CSF1R: variants seen among roughly 807,000 people sequenced by gnomAD.
The protein encoded by CSF1R is colony stimulating factor 1 receptor.
CSF1R carries 40 observed loss-of-function variants against 110.0 expected under a neutral mutation model. The observed-to-expected ratio is 0.36, with a 90% confidence interval of 0.28 to 0.47. The LOEUF is 0.47. Among genes scored for constraint, CSF1R ranks in the 20% least tolerant of loss-of-function variants. The pLI is 0.99. For synonymous variants in CSF1R, 523 were observed against 503.4 expected, an observed-to-expected ratio of 1.04 and a Z score of -0.52; for missense variants, 1,052 against 1,253.0, an observed-to-expected ratio of 0.84 and a Z score of 2.42.
At position 150,054,279 on chromosome 5, in the gene CSF1R, A is replaced by T. The variant is rs767046070; in HGVS notation, c.2763+43T>A. ...GTCCAGATCCATCAGGCCCAGCCCA[A>T]CGTGCTTTACCGGCCACCCACCCCA... On this transcript the variant is annotated intron_variant, in intron 20 of 20. Transcript: ENST00000675795. The T allele has an allele frequency of 4.3e-6, 7 of 1,613,726 alleles. No individual in the cohort carries two copies. The South Asian group carries it at 7.7e-5, about 18-fold the overall frequency.
At chr5:150,067,200 GT>G (rs3836741) in intron 10 of CSF1R, 41,275 of 148,896 alleles carry the variant, frequency 0.28, 6,275 homozygotes, top group East Asian at 0.64. Flanking sequence ...GCCCCTTGGG[GT>G]TTTTTTTTTT....
At chr5:150,056,470 AC>A in intron 16 of CSF1R, 129 bp from the exon 17 acceptor site, 1 of 1,154,382 alleles carries the variant, frequency 8.7e-7, no homozygotes, top group Non-Finnish European at 1.2e-6. Context: ...TTGGTCCTTT[AC>A]CACAAACCCT....
At chr5:150,111,417 C>T (rs1759713381) in intron 1 of CSF1R, among the ~76,000 whole-genome samples, 1 of 152,222 alleles carries the variant, frequency 6.6e-6, no homozygotes, top group Non-Finnish European at 1.5e-5. Flanking sequence ...CCTGTGGTTA[C>T]CCCAGACCCT....
chr5:150,081,164 T>C, intron 1 of CSF1R, 140 bp from the exon 2 acceptor site: 1 of 919,586 alleles, frequency 1.1e-6, no homozygotes, highest in Non-Finnish European at 1.6e-6. Flanking sequence ...CCCTGCCCCC[T>C]GGTCATTTGC....
chr5:150,092,789 G>A (rs546563136), intron 1 of CSF1R, among the ~76,000 whole-genome samples: 1 of 152,110 alleles, frequency 6.6e-6, no homozygotes, highest in South Asian at 2.1e-4. Context: ...AATTGGGTGG[G>A]GACACAGCCA....
At chr5:150,089,907 T>A (rs1758983329), upstream of CSF1R, among the ~76,000 whole-genome samples, 1 of 152,134 alleles carries the variant, frequency 6.6e-6, no homozygotes, top group African/African-American at 2.4e-5. Flanking sequence ...TCAACAAGGG[T>A]GGCAGGACCA....
At chr5:150,094,218 A>G (rs1759139286) in intron 1 of CSF1R, 3 of 793,882 alleles carry the variant, frequency 3.8e-6, no homozygotes, top group Admixed American at 5.6e-5. Flanking sequence ...GTGAAGACAG[A>G]ATCAATTTTA....
In CSF1R at chr5:150,053,659, A is replaced by ACTCT; in HGVS notation, c.*406_*409dup. On this transcript the variant is annotated 3_prime_UTR_variant, in exon 21 of 21. Coordinates refer to ENST00000675795, the MANE Select transcript of CSF1R (RefSeq NM_001288705.3). ...TGCTCCTCTCAGAGAGGGAGATCTCACTCTCTGCCAGTCTGTCTAGCCCCA... is the reference window on the plus strand; with the variant it reads ...TGCTCCTCTCAGAGAGGGAGATCTCACTCTCTCTCTGCCAGTCTGTCTAGCCCCA... 1 of 291,612 alleles carries ACTCT rather than the reference A, an allele frequency of 3.4e-6. No individual in the cohort carries two copies. Among genetic ancestry groups the ACTCT allele is most frequent in the Admixed American group, 4.7e-5 (1 of 21,220 alleles). 18.1% of individuals were successfully genotyped at this position (291,612 alleles called of 1,614,324 possible).
At chr5:150,095,630 T>A (rs1313353124) in intron 1 of CSF1R, among the ~76,000 whole-genome samples, 3 of 150,288 alleles carry the variant, frequency 2.0e-5, no homozygotes, top group Non-Finnish European at 4.4e-5. Context: ...AAGAACAAAT[T>A]AAATCCAAAT....
chr5:150,099,446 T>C (rs1270454263), intron 1 of CSF1R, among the ~76,000 whole-genome samples: 1 of 152,250 alleles, frequency 6.6e-6, no homozygotes, highest in Non-Finnish European at 1.5e-5. Flanking sequence ...TTAGTGGCTT[T>C]ATTTGTAATC....
intron 1 of CSF1R, among the ~76,000 whole-genome samples, chr5:150,107,913 A>G (rs891950): frequency 0.57 from 87,304 of 152,104 alleles, 25,848 homozygotes; most frequent in African/African-American, 0.73. Context: ...TGAACAGGTC[A>G]GCTGTGGTCC....
chr5:150,054,109 G>C lies in CSF1R; in HGVS notation c.2879C>G (p.Ala960Gly). ...HLTCCEQGDI[A>G]QPLLQPNNYQ... ...GTTGTTGGGCTGCAGCAAGGGCTGG[G>C]CGATATCCCCTTGCTCGCAGCAGGT... is the stretch of plus-strand genomic sequence containing the variant. The change falls in exon 21 of 21, where the codon GCC becomes GGC. Residue 960 changes from alanine (A) to glycine (G), a missense_variant. Around this residue, in one of 5 missense-constraint regions of CSF1R, gnomAD observed 85 missense variants for 78.8 expected, o/e 1.08. Coordinates refer to ENST00000675795, the MANE Select transcript of CSF1R (RefSeq NM_001288705.3). 2.5e-6 allele frequency: 4 copies of C among 1,614,128 alleles called. No individual in the cohort carries two copies. The highest frequency in any genetic ancestry group is 3.4e-6 in the Non-Finnish European group (4 of 1,180,010).
At chr5:150,085,392 G>A (rs1257817914) in intron 1 of CSF1R, among the ~76,000 whole-genome samples, 3 of 151,692 alleles carry the variant, frequency 2.0e-5, no homozygotes, top group Non-Finnish European at 2.9e-5. Flanking sequence ...CGGCCTTAGG[G>A]TCCTTCTGTG....
intron 10 of CSF1R, among the ~76,000 whole-genome samples, chr5:150,063,411 C>T (rs185845105): frequency 1.3e-4 from 19 of 151,962 alleles, no homozygotes; most frequent in Admixed American, 2.0e-4. Flanking sequence ...TGCAGTGGCA[C>T]GATCATAGCT....
intron 9 of CSF1R, 46 bp downstream of exon 9, chr5:150,069,827 G>C (rs199550331): frequency 1.6e-5 from 20 of 1,218,696 alleles, no homozygotes; most frequent in Non-Finnish European, 2.1e-5. Flanking sequence ...GAGCAGGGGC[G>C]GGGGGCGGGC....
intron 3 of CSF1R, among the ~76,000 whole-genome samples, chr5:150,078,875 G>A (rs866201191): frequency 5.3e-4 from 81 of 152,032 alleles, no homozygotes; most frequent in African/African-American, 1.8e-3. Context: ...CAGCTGATAT[G>A]AATTAGCCTC....
intron 5 of CSF1R, among the ~76,000 whole-genome samples, chr5:150,076,332 ATC>A (rs1758258432): frequency 2.9e-5 from 2 of 68,472 alleles, no homozygotes; most frequent in African/African-American, 7.6e-5. Flanking sequence ...CTATCTATCT[ATC>A]TATCTATCTA....
At chr5:150,059,156 C>T (rs113619378) in intron 14 of CSF1R, among the ~76,000 whole-genome samples, 4,456 of 152,186 alleles carry the variant, frequency 0.029, 237 homozygotes, top group African/African-American at 0.1. Context: ...GCAATTCTCC[C>T]GCCTCAGCCT....
At position 150,070,492 on chromosome 5, in the gene CSF1R, C is replaced by T; in HGVS notation, c.1162G>A (p.Gly388Ser). The change falls in exon 7 of 21, where the codon GGC becomes AGC. Residue 388 changes from glycine to serine, a missense_variant. Physicochemically the swap from Gly to Ser is moderately conservative, Grantham distance 56 (BLOSUM62 0). This residue lies in a region of CSF1R where 693 missense variants were observed against 735.4 expected (regional missense o/e 0.94). Transcript: ENST00000675795. ...AGCTCAAACGTCAGAGCTCTCCAGC[C>T]TCCTGGGTTTCTGGCCAGGAAGGAG... ...RYSFLARNPG[G>S]WRALTFELTL... The T allele has an allele frequency of 6.4e-7, 1 of 1,559,440 alleles. No homozygotes were observed. The highest frequency in any genetic ancestry group is 8.7e-7 in the Non-Finnish European group (1 of 1,151,816).
Sources: allele counts gnomAD v4.1 joint callset (sites outside exome capture counted in the v4.1 genomes callset), GRCh38; gene constraint gnomAD v4.1.1; regional missense constraint gnomAD v4.1.1; transcripts MANE v1.5; gene names NCBI Gene and HGNC (gene_info 2026-07-23, HGNC 2026-07-21).